The following HSD17B12 variants were observed in gnomAD, a reference collection of about 807,000 sequenced individuals.
HSD17B12 encodes the protein hydroxysteroid 17-beta dehydrogenase 12.
In HSD17B12, 32 loss-of-function variants were observed where a neutral mutation model predicts 39.3. The ratio of observed to expected loss-of-function variants is 0.81; its 90% confidence interval spans 0.61 to 1.09. The LOEUF is 1.09. Ranked by LOEUF, HSD17B12 falls within the 50% of genes least tolerant of loss-of-function variation. The pLI is 0.00. For synonymous variants in HSD17B12, 150 were observed against 146.7 expected (o/e 1.02, Z -0.16); for missense variants, 342 against 382.9 (o/e 0.89, Z 0.89).
chr11:43,642,074 T>C, the HSD17B12 span, among the ~76,000 whole-genome samples: 1 of 151,772 alleles, frequency 6.6e-6, no homozygotes, highest in Non-Finnish European at 1.5e-5. Context: ...TTTAAACATA[T>C]TAATACTGTT....
Position 43,694,721 on chromosome 11 carries a change from T to C in HSD17B12, c.160+13734T>C, listed in dbSNP as rs560663748. On this transcript the variant is annotated intron_variant, in intron 1 of 10. Coordinates refer to ENST00000278353, the MANE Select transcript of HSD17B12 (RefSeq NM_016142.3). ...AACATAAAAGTTAAAGGTCTGTTTA[T>C]ATCATGGCAGTATTCAAATTCATCT... Among the ~76,000 whole-genome samples the C allele has an allele frequency of 2.3e-4, 35 of 152,188 alleles. No individual in the cohort carries two copies. In the South Asian group the frequency reaches 7.3e-3, roughly 32 times the overall value.
chr11:43,767,889 T>C (rs895835866), intron 3 of HSD17B12, among the ~76,000 whole-genome samples: 11 of 152,238 alleles, frequency 7.2e-5, no homozygotes, highest in African/African-American at 2.7e-4. Flanking sequence ...ATGAAAGTAT[T>C]AAGTCACAGA....
At chr11:43,782,819 A>G (rs896403257) in intron 3 of HSD17B12, among the ~76,000 whole-genome samples, 2 of 152,222 alleles carry the variant, frequency 1.3e-5, no homozygotes, top group African/African-American at 4.8e-5. Flanking sequence ...ATTAAAAAGG[A>G]AATAATAGTA....
intron 2 of HSD17B12, among the ~76,000 whole-genome samples, chr11:43,751,417 A>G (rs1330724554): frequency 6.6e-6 from 1 of 152,220 alleles, no homozygotes; most frequent in Admixed American, 6.5e-5. Context: ...CTGCAATGAA[A>G]TTAAAGAACA....
chr11:43,716,057 G>A (rs1043823196), intron 1 of HSD17B12, among the ~76,000 whole-genome samples: 3 of 152,144 alleles, frequency 2.0e-5, no homozygotes, highest in African/African-American at 7.2e-5. Context: ...GAGGAATTGT[G>A]TTCTGAAAAC....
the HSD17B12 span, among the ~76,000 whole-genome samples, chr11:43,622,884 A>C: frequency 5.3e-5 from 8 of 152,204 alleles, no homozygotes; most frequent in African/African-American, 1.4e-4. Context: ...TATTAAAAAA[A>C]AATTTCAAAA....
Position 43,680,970 on chromosome 11 carries a change from G to C in HSD17B12, c.143G>C (p.Gly48Ala), listed in dbSNP as rs758045144. 4 of 1,606,166 alleles carry C rather than the reference G, an allele frequency of 2.5e-6. No individual in the cohort carries two copies. In the Admixed American group the frequency reaches 6.7e-5, roughly 27 times the overall value. Residue 48 changes from glycine (G) to alanine (A), a missense_variant, in exon 1 of 11, where the codon GGG (glycine) becomes GCG (alanine). By Grantham distance (60) the Gly-to-Ala change is moderately conservative. Transcript: ENST00000278353. ...GGGAATGAGGCGGGGGTCGGCCCGG[G>C]GCTCGGAGAATGGGCAGGTGAGTCG... The part of the protein sequence containing the change: ...GVGNEAGVGP[G>A]LGEWAVVTGS...
intron 1 of HSD17B12, among the ~76,000 whole-genome samples, chr11:43,690,385 TA>T (rs1175970908): frequency 0.029 from 445 of 15,092 alleles, 61 homozygotes; most frequent in African/African-American, 0.075. Flanking sequence ...TATATATATA[TA>T]TATATATATA....
chr11:43,588,610 C>CTTAT, the HSD17B12 span, among the ~76,000 whole-genome samples: 16 of 144,974 alleles, frequency 1.1e-4, no homozygotes, highest in Non-Finnish European at 2.3e-4. Context: ...TTATTATTAG[C>CTTAT]TATTATTATT....
chr11:43,701,404 T>C (rs959221093), intron 1 of HSD17B12, among the ~76,000 whole-genome samples: 2 of 152,254 alleles, frequency 1.3e-5, no homozygotes, highest in African/African-American at 4.8e-5. Flanking sequence ...CAAGAACTTT[T>C]TGCCCAGACT....
At chr11:43,721,675 T>G (rs767395434) in intron 1 of HSD17B12, among the ~76,000 whole-genome samples, 2 of 151,512 alleles carry the variant, frequency 1.3e-5, no homozygotes, top group Non-Finnish European at 2.9e-5. Flanking sequence ...GACCCATGGG[T>G]GGGCCTGGGC....
At chr11:43,592,660 A>G in the HSD17B12 span, among the ~76,000 whole-genome samples, 3 of 152,328 alleles carry the variant, frequency 2.0e-5, no homozygotes, top group African/African-American at 7.2e-5. Flanking sequence ...TTTTCTGAGC[A>G]GACAGGCACA....
upstream of HSD17B12, among the ~76,000 whole-genome samples, chr11:43,676,331 T>C (rs1395315412): frequency 1.3e-5 from 2 of 152,114 alleles, no homozygotes; most frequent in Non-Finnish European, 2.9e-5. Context: ...TGGATATATA[T>C]ACTGTATAGA....
chr11:43,791,622 G>A (rs1950868891), intron 3 of HSD17B12, among the ~76,000 whole-genome samples: 2 of 151,902 alleles, frequency 1.3e-5, no homozygotes, highest in Non-Finnish European at 2.9e-5. Flanking sequence ...TTGACCTTTT[G>A]TTTACCAAGT....
At chr11:43,687,535 G>A (rs971181200) in intron 1 of HSD17B12, among the ~76,000 whole-genome samples, 1 of 152,184 alleles carries the variant, frequency 6.6e-6, no homozygotes, top group African/African-American at 2.4e-5. Flanking sequence ...AAGTGAGCAA[G>A]CTGGAGTGAC....
At position 43,731,171 on chromosome 11, in the gene HSD17B12, A is replaced by AT. The variant is rs34733243; in HGVS notation, c.161-19735dup. Among the ~76,000 whole-genome samples, 287 of 152,110 alleles carry AT rather than the reference A, an allele frequency of 1.9e-3. 1 individual carries two copies. Among genetic ancestry groups the AT allele is most frequent in the Admixed American group, 4.7e-3 (72 of 15,270 alleles). On this transcript the variant is annotated intron_variant, in intron 1 of 10. Transcript: ENST00000278353. ...ACCACCCCGCCCAGCTGATATTTGT[A>AT]TTTTTAGTTGAGACGGGGTTTCACC... is the stretch of plus-strand genomic sequence containing the variant.
At chr11:43,571,613 G>A in the HSD17B12 span, among the ~76,000 whole-genome samples, 6 of 152,282 alleles carry the variant, frequency 3.9e-5, no homozygotes, top group Admixed American at 3.3e-4. Context: ...GGGGTTGTGC[G>A]AAAAGCAGAT....
intron 1 of HSD17B12, among the ~76,000 whole-genome samples, chr11:43,690,316 C>T (rs925331360): frequency 1.5e-5 from 2 of 134,470 alleles, no homozygotes; most frequent in Non-Finnish European, 3.1e-5. Flanking sequence ...TGCCAATGTA[C>T]CTTTGTTGAA....
rs1951305937 is a variant in HSD17B12 at position 43,831,122 on chromosome 11, T to G, written c.536+112T>G. The G allele has an allele frequency of 2.1e-6, 2 of 961,142 alleles. No homozygotes were observed. The highest frequency in any genetic ancestry group is 3.1e-6 in the Non-Finnish European group (2 of 636,578). 59.5% of individuals were successfully genotyped at this position (961,142 alleles called of 1,614,324 possible). ...AAGTGACTAATGAACCAAGCCTCCATGTCTTAGCCACAGAGTGATGTACCA... is the reference window on the plus strand; with the variant it reads ...AAGTGACTAATGAACCAAGCCTCCAGGTCTTAGCCACAGAGTGATGTACCA... On this transcript the variant is annotated intron_variant, in intron 7 of 10. Coordinates refer to ENST00000278353, the MANE Select transcript of HSD17B12 (RefSeq NM_016142.3). The surrounding 1 kb of genome is among the most constrained non-coding windows in gnomAD (Gnocchi z 4.1).
Sources: allele counts gnomAD v4.1 joint callset (sites outside exome capture counted in the v4.1 genomes callset), GRCh38; gene constraint gnomAD v4.1.1; non-coding constraint Gnocchi (gnomAD v3.1); transcripts MANE v1.5; gene names NCBI Gene and HGNC (gene_info 2026-07-23, HGNC 2026-07-21).